Variants in ERI3 observed in about 807,000 individuals in gnomAD.
ERI3 encodes the protein ERI1 exoribonuclease 3.
Under a neutral mutation model 44.4 loss-of-function variants are expected in ERI3, and 18 were observed. That is an observed-to-expected ratio of 0.41 (90% CI 0.28 to 0.60). The LOEUF is 0.60. Ranked by LOEUF, ERI3 falls within the 20% of genes least tolerant of loss-of-function variation. The pLI is 0.36. For missense variants in ERI3, 294 were observed against 435.5 expected, an observed-to-expected ratio of 0.68 and a Z score of 2.89; for synonymous variants, 183 against 164.8, an observed-to-expected ratio of 1.11 and a Z score of -0.84.
At chr1:44,286,201 A>G (rs1645391106) in intron 6 of ERI3, among the ~76,000 whole-genome samples, 1 of 152,228 alleles carries the variant, frequency 6.6e-6, no homozygotes, top group South Asian at 2.1e-4. Flanking sequence ...TTGTTTTAAA[A>G]TGCTCTACCT....
intron 6 of ERI3, among the ~76,000 whole-genome samples, chr1:44,301,805 T>G (rs531773272): frequency 6.6e-6 from 1 of 152,232 alleles, no homozygotes; most frequent in African/African-American, 2.4e-5. Context: ...AAGTTTCCGA[T>G]GTACTTCTCA....
At chr1:44,326,269 G>A (rs973791418) in intron 3 of ERI3, among the ~76,000 whole-genome samples, 9 of 152,156 alleles carry the variant, frequency 5.9e-5, no homozygotes, top group African/African-American at 2.2e-4. Flanking sequence ...ATTTAGTTTT[G>A]GATAAAAGTC....
chr1:44,254,096 C>T (rs1040999940), intron 7 of ERI3, among the ~76,000 whole-genome samples: 3 of 152,236 alleles, frequency 2.0e-5, no homozygotes, highest in African/African-American at 7.2e-5. Context: ...TGCTTCTAGA[C>T]TATTCTTCCT....
chr1:44,246,660 G>GA (rs1352358911), intron 8 of ERI3, among the ~76,000 whole-genome samples: 1 of 152,214 alleles, frequency 6.6e-6, no homozygotes, highest in Non-Finnish European at 1.5e-5. Flanking sequence ...TGAGGAGAGG[G>GA]AAAACCACCT....
chr1:44,308,648 T>C (rs538618890), intron 5 of ERI3, among the ~76,000 whole-genome samples: 1 of 152,234 alleles, frequency 6.6e-6, no homozygotes, highest in South Asian at 2.1e-4. Flanking sequence ...CACTCGCCTA[T>C]TGCCTGGCAG....
At chr1:44,344,193 A>G (rs1318223795) in intron 2 of ERI3, among the ~76,000 whole-genome samples, 1 of 151,784 alleles carries the variant, frequency 6.6e-6, no homozygotes, top group Non-Finnish European at 1.5e-5. Context: ...AACTGAGATC[A>G]CATCACTACA....
chr1:44,339,450 C>A (rs1203036562), intron 2 of ERI3, 128 bp from the exon 3 acceptor site: 10 of 954,828 alleles, frequency 1.0e-5, no homozygotes, highest in African/African-American at 1.7e-5. Flanking sequence ...AATATCCACG[C>A]AACATGGGCC....
At chr1:44,277,185 T>A (rs1645196438) in intron 7 of ERI3, among the ~76,000 whole-genome samples, 1 of 152,310 alleles carries the variant, frequency 6.6e-6, no homozygotes, top group African/African-American at 2.4e-5. Context: ...CTACCTCCAT[T>A]TGTGCCCATC....
At chr1:44,266,004 G>A (rs1644984148) in intron 7 of ERI3, among the ~76,000 whole-genome samples, 1 of 152,154 alleles carries the variant, frequency 6.6e-6, no homozygotes, top group African/African-American at 2.4e-5. Flanking sequence ...CCTTAAATGG[G>A]TGAATTGTAT....
rs568119525 is a variant in ERI3, at chr1:44,344,987, C to T, written c.212-5665G>A. On this transcript the variant is annotated intron_variant, in intron 2 of 8. Coordinates refer to ENST00000372257, the MANE Select transcript of ERI3 (RefSeq NM_024066.3). Reference sequence around the variant, plus strand: ...GGATGGTCTCTGTGCAGAGTATTTACACAACAGACACCAATGGCTCCTCTG... The same window carrying T: ...GGATGGTCTCTGTGCAGAGTATTTATACAACAGACACCAATGGCTCCTCTG... Among the ~76,000 whole-genome samples the T allele has an allele frequency of 1.6e-4, 24 of 152,288 alleles. No homozygotes were observed. In the South Asian group the frequency reaches 4.8e-3, roughly 30 times the overall value.
intron 2 of ERI3, among the ~76,000 whole-genome samples, chr1:44,344,233 C>A (rs1646740628): frequency 7.0e-6 from 1 of 142,568 alleles, no homozygotes; most frequent in Non-Finnish European, 1.5e-5. Flanking sequence ...GACTCCATCT[C>A]AATAAATAAA....
chr1:44,353,648 T>G (rs1347807735), intron 1 of ERI3: 1 of 985,304 alleles, frequency 1.0e-6, no homozygotes, highest in Non-Finnish European at 1.2e-6. Flanking sequence ...GAAAACACTT[T>G]TTAAAATGAA....
chr1:44,324,522 C>T (rs928192808), intron 3 of ERI3, among the ~76,000 whole-genome samples: 3 of 141,746 alleles, frequency 2.1e-5, no homozygotes, highest in Non-Finnish European at 4.5e-5. Flanking sequence ...CGCTCTGTCG[C>T]CCAGGCTGGG....
At chr1:44,320,100 G>A (rs1211776616) in intron 3 of ERI3, among the ~76,000 whole-genome samples, 1 of 152,160 alleles carries the variant, frequency 6.6e-6, no homozygotes, top group South Asian at 2.1e-4. Flanking sequence ...CTCTTGCCCA[G>A]GTCCCTGTCC....
intron 6 of ERI3, among the ~76,000 whole-genome samples, chr1:44,290,271 G>A (rs1234150788): frequency 6.6e-6 from 1 of 152,176 alleles, no homozygotes; most frequent in Non-Finnish European, 1.5e-5. Context: ...AGTATGGAGA[G>A]GCTCTGTCTT....
chr1:44,247,892 A>AT, intron 8 of ERI3, 47 bp downstream of exon 8: 1 of 1,510,478 alleles, frequency 6.6e-7, no homozygotes, highest in Non-Finnish European at 9.1e-7. Context: ...GCACGCGGGC[A>AT]AGGGACGATG....
chr1:44,322,081 C>T (rs929228499), intron 3 of ERI3, among the ~76,000 whole-genome samples: 1 of 152,022 alleles, frequency 6.6e-6, no homozygotes, highest in South Asian at 2.1e-4. Flanking sequence ...TTTACAAGCA[C>T]ATGGTTTGTT....
At chr1:44,290,956 CAAT>C (rs1645494489) in intron 6 of ERI3, among the ~76,000 whole-genome samples, 1 of 152,160 alleles carries the variant, frequency 6.6e-6, no homozygotes, top group Non-Finnish European at 1.5e-5. Flanking sequence ...AATTGAGCAA[CAAT>C]GAGAGCAGGC....
At position 44,222,582 on chromosome 1, in the gene ERI3, T is replaced by C. The variant is rs577336053; in HGVS notation, c.932-942A>G. Among the ~76,000 whole-genome samples the C allele has an allele frequency of 1.3e-4, 20 of 152,302 alleles. No individual in the cohort carries two copies. In the South Asian group the frequency reaches 3.9e-3, roughly 30 times the overall value. On this transcript the variant is annotated intron_variant, in intron 8 of 8. Coordinates refer to ENST00000372257, the MANE Select transcript of ERI3 (RefSeq NM_024066.3). ...AGCGTCATGGACATGGGCCAGGATT[T>C]GTTTCACCACCACCACCACCAGCAG...
Sources: gnomAD v4.1 joint callset for allele counts (sites outside exome capture counted in the v4.1 genomes callset) on GRCh38, gnomAD v4.1.1 for gene constraint, MANE v1.5 for transcripts, NCBI Gene and HGNC (gene_info 2026-07-23, HGNC 2026-07-21) for gene names.